The following USP10 variants were observed in gnomAD, a reference collection of about 807,000 sequenced individuals.
USP10 encodes the protein ubiquitin specific peptidase 10.
A neutral mutation model predicts 84.5 loss-of-function variants in USP10; 22 were observed. The ratio of observed to expected loss-of-function variants is 0.26; its 90% confidence interval spans 0.19 to 0.37. The LOEUF (loss-of-function observed/expected upper bound fraction) is 0.37, where lower values mean the gene tolerates loss of function less well. USP10 is among the 10% of genes least tolerant of loss of function. USP10 has a pLI of 1.00. For missense variants in USP10, 1,019 were observed against 998.9 expected (o/e 1.02, Z -0.27); for synonymous variants, 454 against 387.6 (o/e 1.17, Z -2.01).
chr16:84,776,450 A>C (rs1011659362), intron 13 of USP10, among the ~76,000 whole-genome samples: 2 of 151,978 alleles, frequency 1.3e-5, no homozygotes, highest in Non-Finnish European at 2.9e-5. Context: ...TTCCTCCTCA[A>C]CTTGCTGGGC....
chr16:84,775,170 T>C lies in USP10; in HGVS notation c.2154T>C (p.Ser718=), dbSNP rs202133199. ...VDLEISKELL[S]PGVKNKNFKC... ...TATTTTGTTTTCCAGAACTGCTTTC[T>C]CCAGGGGTTAAAAATAAGAATTTTA... The change falls in exon 13 of 14, where the codon TCT becomes TCC. Residue 718 remains serine (S), a synonymous_variant. Transcript: ENST00000219473. 411 of 1,613,838 alleles carry C rather than the reference T, an allele frequency of 2.5e-4. No homozygotes were observed. The highest frequency in any genetic ancestry group is 3.3e-4 in the Non-Finnish European group (394 of 1,179,738).
At chr16:84,718,099 G>A (rs1907290304) in intron 1 of USP10, among the ~76,000 whole-genome samples, 2 of 152,194 alleles carry the variant, frequency 1.3e-5, no homozygotes, top group Admixed American at 1.3e-4. Flanking sequence ...TGACTACATT[G>A]CGAAGGGAAA....
Position 84,779,479 on chromosome 16 carries a change from C to G in USP10, c.*397C>G, listed in dbSNP as rs1597421461. 6.5e-6 allele frequency: 1 copy of G among 155,022 alleles called. No individual in the cohort carries two copies. Among genetic ancestry groups the G allele is most frequent in the African/African-American group, 2.4e-5 (1 of 41,510 alleles). 9.6% of individuals were successfully genotyped at this position (155,022 alleles called of 1,614,324 possible). The stretch of plus-strand genomic sequence containing the variant: ...TTCCTTAAAAAAGAAATTTTTTAAT[C>G]CATCACACTTTTCTTCCCTACCCTT... On this transcript the variant is annotated 3_prime_UTR_variant, in exon 14 of 14. Coordinates refer to ENST00000219473, the MANE Select transcript of USP10 (RefSeq NM_005153.3).
At chr16:84,743,160 T>G (rs1016307305) in intron 3 of USP10, among the ~76,000 whole-genome samples, 1 of 152,214 alleles carries the variant, frequency 6.6e-6, no homozygotes, top group Non-Finnish European at 1.5e-5. Flanking sequence ...CCCTTGATAT[T>G]CTTTTCAAAG....
chr16:84,720,807 C>A (rs193196465), intron 1 of USP10, among the ~76,000 whole-genome samples: 3 of 150,704 alleles, frequency 2.0e-5, no homozygotes, highest in Non-Finnish European at 4.4e-5. Flanking sequence ...TGGTCTCGAT[C>A]TCCTGACCTC....
chr16:84,749,977 T>G (rs930265592), intron 4 of USP10, among the ~76,000 whole-genome samples: 8 of 152,184 alleles, frequency 5.3e-5, no homozygotes, highest in Admixed American at 3.3e-4. Context: ...GAATACTCAG[T>G]GATTTCCTTT....
intron 10 of USP10, among the ~76,000 whole-genome samples, chr16:84,764,999 C>G (rs755035047): frequency 6.1e-5 from 9 of 148,340 alleles, no homozygotes; most frequent in Non-Finnish European, 1.2e-4. Context: ...AAACCACCTC[C>G]GGGAGGCAGA....
intron 4 of USP10, among the ~76,000 whole-genome samples, chr16:84,752,776 T>G (rs1912085747): frequency 6.6e-6 from 1 of 152,200 alleles, no homozygotes; most frequent in Non-Finnish European, 1.5e-5. Context: ...AAAGCGTTAG[T>G]GTCTCCTCCA....
intron 12 of USP10, 58 bp downstream of exon 12, chr16:84,772,743 C>G: frequency 1.3e-6 from 2 of 1,595,140 alleles, no homozygotes; most frequent in Non-Finnish European, 1.7e-6. Context: ...ACATCAGAAG[C>G]TCAACCCTGT....
At position 84,779,322 on chromosome 16, in the gene USP10, A is replaced by G. The variant is rs767076420; in HGVS notation, c.*240A>G. On this transcript the variant is annotated 3_prime_UTR_variant, in exon 14 of 14. Transcript: ENST00000219473. ...GTTGCTTGATTTTAGAAAATACACA[A>G]AAACCCATATTTCTGAAATAATGCT... is the stretch of plus-strand genomic sequence containing the variant. 3 of 382,740 alleles carry G rather than the reference A, an allele frequency of 7.8e-6. No individual in the cohort carries two copies. Among genetic ancestry groups the G allele is most frequent in the Non-Finnish European group, 1.4e-5 (3 of 213,716 alleles). The allele number at this position is 382,740 out of a possible 1,614,324, so 23.7% of individuals were successfully genotyped here. A position where few individuals can be genotyped will look rare whatever the true frequency, so the allele number is the denominator to read the frequency against.
chr16:84,749,902 CT>C (rs1360512832), intron 4 of USP10, among the ~76,000 whole-genome samples: 1 of 152,144 alleles, frequency 6.6e-6, no homozygotes, highest in East Asian at 1.9e-4. Flanking sequence ...GTTCCATTGG[CT>C]GTTTTTCAAG....
At chr16:84,711,533 C>T (rs1340125830) in intron 1 of USP10, among the ~76,000 whole-genome samples, 1 of 152,148 alleles carries the variant, frequency 6.6e-6, no homozygotes, top group Non-Finnish European at 1.5e-5. Context: ...CTCATGGATT[C>T]GTCAGGTGAG....
In USP10 at chr16:84,745,616, GAAGTCA is replaced by G. The variant is rs780218036; in HGVS notation, c.1139_1144del (p.Val380_Lys381del). On this transcript the variant is annotated inframe_deletion, in exon 4 of 14. Transcript: ENST00000219473. Reference sequence around the variant, plus strand: ...TCCCCTGGTTTCTGAAAAGCAGGTTGAAGTCAAAGAAGGGCTTGTTCCGGTTTCAGA... The same window carrying G: ...TCCCCTGGTTTCTGAAAAGCAGGTTGAAGAAGGGCTTGTTCCGGTTTCAGA... The G allele has an allele frequency of 1.9e-6, 3 of 1,613,382 alleles. No individual in the cohort carries two copies. Among genetic ancestry groups the G allele is most frequent in the Non-Finnish European group, 2.5e-6 (3 of 1,179,684 alleles).
At chr16:84,771,416 G>A (rs1914436143) in intron 11 of USP10, among the ~76,000 whole-genome samples, 2 of 151,852 alleles carry the variant, frequency 1.3e-5, no homozygotes, top group African/African-American at 4.8e-5. Context: ...AATCACCTGA[G>A]CCCAGGAAGT....
intron 1 of USP10, among the ~76,000 whole-genome samples, chr16:84,718,370 C>A (rs1023278118): frequency 6.6e-6 from 1 of 152,192 alleles, no homozygotes. Flanking sequence ...CCTCCCACCT[C>A]AGCCTCCTGA....
intron 2 of USP10, among the ~76,000 whole-genome samples, chr16:84,737,496 G>C (rs932802871): frequency 6.6e-6 from 1 of 152,204 alleles, no homozygotes; most frequent in African/African-American, 2.4e-5. Context: ...AATGAAAGGT[G>C]CTGTGTGCCT....
Position 84,775,242 on chromosome 16 carries a change from G to C in USP10, c.2209+17G>C, listed in dbSNP as rs371959609. 1.2e-6 allele frequency: 2 copies of C among 1,611,032 alleles called. No individual in the cohort carries two copies. The highest frequency in any genetic ancestry group is 2.2e-5 in the East Asian group (1 of 44,862). On this transcript the variant is annotated intron_variant, in intron 13 of 13. Transcript: ENST00000219473. ...TCTTTGCAGGTGAGTAAATTTGTAC[G>C]ACATTACTTCTTCATTAAAACACTG...
chr16:84,700,805 T>A (rs1230133815), intron 1 of USP10, among the ~76,000 whole-genome samples: 1 of 152,166 alleles, frequency 6.6e-6, no homozygotes, highest in Non-Finnish European at 1.5e-5. Context: ...AGCTAAAGCT[T>A]GGGGGCCCTT....
intron 8 of USP10, among the ~76,000 whole-genome samples, chr16:84,761,365 C>T (rs1913186614): frequency 6.6e-6 from 1 of 152,194 alleles, no homozygotes; most frequent in Admixed American, 6.5e-5. Flanking sequence ...TTGGGCTCCC[C>T]AAGACCACCC....
Sources: gnomAD v4.1 joint callset for allele counts (sites outside exome capture counted in the v4.1 genomes callset) on GRCh38, gnomAD v4.1.1 for gene constraint, MANE v1.5 for transcripts, NCBI Gene and HGNC (gene_info 2026-07-23, HGNC 2026-07-21) for gene names.